The following ERCC6 variants were observed in gnomAD, a reference collection of about 807,000 sequenced individuals.
The protein encoded by ERCC6 is DNA excision repair protein ERCC-6.
ERCC6 carries 116 observed loss-of-function variants against 158.7 expected under a neutral mutation model. That is an observed-to-expected ratio of 0.73 (90% CI 0.63 to 0.85). The LOEUF (loss-of-function observed/expected upper bound fraction) is 0.85. Ranked by LOEUF, ERCC6 falls within the 40% of genes least tolerant of loss-of-function variation. The pLI, the probability that ERCC6 is intolerant of heterozygous loss-of-function variation, is 0.00. For missense variants in ERCC6, 1,698 were observed against 1,799.4 expected, an observed-to-expected ratio of 0.94 and a Z score of 1.02; for synonymous variants, 678 against 659.3, an observed-to-expected ratio of 1.03 and a Z score of -0.43.
chr10:49,515,691 G>A (rs773537663), intron 5 of ERCC6: 5 of 1,614,078 alleles, frequency 3.1e-6, no homozygotes, highest in Non-Finnish European at 4.2e-6. Flanking sequence ...ACGGATTGAT[G>A]CCCGATACTT....
intron 5 of ERCC6, among the ~76,000 whole-genome samples, chr10:49,521,636 T>G (rs754030164): frequency 3.9e-5 from 6 of 152,110 alleles, no homozygotes; most frequent in Non-Finnish European, 8.8e-5. Context: ...CTGTATGACA[T>G]GAAAGGGTAT....
intron 5 of ERCC6, among the ~76,000 whole-genome samples, chr10:49,521,684 T>TA (rs1396482378): frequency 6.6e-6 from 1 of 152,142 alleles, no homozygotes; most frequent in Admixed American, 6.5e-5. Flanking sequence ...AGCCTCCAGA[T>TA]ACAGTTCAGT....
At chr10:49,482,262 T>C (rs1171396015) in intron 10 of ERCC6, among the ~76,000 whole-genome samples, 1 of 152,144 alleles carries the variant, frequency 6.6e-6, no homozygotes, top group Non-Finnish European at 1.5e-5. Context: ...CCTCCTAGTG[T>C]CCCCTTTTCT....
chr10:49,516,814 G>T (rs1281156762), intron 5 of ERCC6: 2 of 1,614,136 alleles, frequency 1.2e-6, no homozygotes, highest in South Asian at 1.1e-5. Flanking sequence ...CTCCTTGATG[G>T]TGGAGGTTGC....
chr10:49,467,207 C>T lies in ERCC6; in HGVS notation c.3778+2975G>A, dbSNP rs139479086. ...CTACGAATATTCATGTACAAGCCTT[C>T]GTATGGACATATTTTTCCATTTCTC... On this transcript the variant is annotated intron_variant, in intron 18 of 20. Coordinates refer to ENST00000355832, the MANE Select transcript of ERCC6 (RefSeq NM_000124.4). Among the ~76,000 whole-genome samples the T allele has an allele frequency of 1.8e-3, 275 of 152,284 alleles. 1 individual carries two copies. The highest frequency in any genetic ancestry group is 6.0e-3 in the African/African-American group (249 of 41,554).
At chr10:49,536,758 T>C (rs1055675216) in intron 1 of ERCC6, among the ~76,000 whole-genome samples, 9 of 152,052 alleles carry the variant, frequency 5.9e-5, no homozygotes, top group Non-Finnish European at 8.8e-5. Context: ...CCTTCAGTAG[T>C]CCTGGGGGAA....
intron 4 of ERCC6, 135 bp downstream of exon 4, chr10:49,528,282 A>C: frequency 9.6e-7 from 1 of 1,036,622 alleles, no homozygotes; most frequent in East Asian, 2.6e-5. Flanking sequence ...AATTTTCCTA[A>C]ATCTGTTTTG....
chr10:49,476,224 T>C lies in ERCC6; in HGVS notation c.2373A>G (p.Gly791=), dbSNP rs2132544229. 6.2e-7 allele frequency: 1 copy of C among 1,611,220 alleles called. No individual in the cohort carries two copies. The highest frequency in any genetic ancestry group is 1.1e-5 in the South Asian group (1 of 90,998). ...CTATTTTTTAGCTGACCTGCATCTCTCCATTGAGAATCCTGTAAACTTCTT... is the reference window on the plus strand; with the variant it reads ...CTATTTTTTAGCTGACCTGCATCTCCCCATTGAGAATCCTGTAAACTTCTT... ...DSKEVYRILN[G]EMQIFSGLIA... Residue 791 remains glycine, a synonymous_variant, in exon 12 of 21, where the codon GGA becomes GGG. Coordinates refer to ENST00000355832, the MANE Select transcript of ERCC6 (RefSeq NM_000124.4).
At chr10:49,496,421 T>C (rs983691390) in intron 7 of ERCC6, among the ~76,000 whole-genome samples, 1 of 152,202 alleles carries the variant, frequency 6.6e-6, no homozygotes, top group Non-Finnish European at 1.5e-5. Flanking sequence ...AGAAAATATA[T>C]CAACATGCTA....
At chr10:49,437,282 G>A in the ERCC6 span, among the ~76,000 whole-genome samples, 664 of 152,188 alleles carry the variant, frequency 4.4e-3, 2 homozygotes, top group African/African-American at 0.015. Context: ...CCAGTCTCAG[G>A]TATGTCTTTA....
At chr10:49,496,243 A>G (rs1160839405) in intron 7 of ERCC6, among the ~76,000 whole-genome samples, 1 of 152,196 alleles carries the variant, frequency 6.6e-6, no homozygotes, top group Non-Finnish European at 1.5e-5. Flanking sequence ...TGCACTCCAC[A>G]TTAACCCTGA....
At chr10:49,521,868 T>TA (rs1476064523) in intron 5 of ERCC6, among the ~76,000 whole-genome samples, 2 of 152,080 alleles carry the variant, frequency 1.3e-5, no homozygotes, top group Non-Finnish European at 2.9e-5. Context: ...GGAAAATTCC[T>TA]AGTAAGTATC....
chr10:49,437,155 A>G, the ERCC6 span, among the ~76,000 whole-genome samples: 1 of 151,798 alleles, frequency 6.6e-6, no homozygotes, highest in African/African-American at 2.4e-5. Flanking sequence ...ATTCTCTCTC[A>G]CCTGCTGCCA....
chr10:49,475,223 CAAA>C, intron 12 of ERCC6: 1 of 300,716 alleles, frequency 3.3e-6, no homozygotes, highest in Non-Finnish European at 6.6e-6. Flanking sequence ...GAAGACAGAA[CAAA>C]AAAGGAGTAA....
chr10:49,441,139 T>C, the ERCC6 span, among the ~76,000 whole-genome samples: 7 of 152,364 alleles, frequency 4.6e-5, no homozygotes, highest in African/African-American at 1.7e-4. Flanking sequence ...TAATGGTTTA[T>C]TGCTGTCATT....
At chr10:49,514,364 T>C (rs905712053) in intron 5 of ERCC6, among the ~76,000 whole-genome samples, 1 of 152,130 alleles carries the variant, frequency 6.6e-6, no homozygotes, top group African/African-American at 2.4e-5. Context: ...GACAAATCAA[T>C]GTACACAACT....
At chr10:49,484,564 A>G (rs1199827104) in intron 8 of ERCC6, among the ~76,000 whole-genome samples, 1 of 152,092 alleles carries the variant, frequency 6.6e-6, no homozygotes, top group African/African-American at 2.4e-5. Context: ...ACAAAGCAAG[A>G]CCCTGTCTCT....
the ERCC6 span, among the ~76,000 whole-genome samples, chr10:49,445,759 G>A: frequency 2.6e-5 from 4 of 152,194 alleles, no homozygotes; most frequent in African/African-American, 9.7e-5. Flanking sequence ...ACTATAAATA[G>A]AGTGGTCCAT....
intron 1 of ERCC6, among the ~76,000 whole-genome samples, chr10:49,533,693 C>T (rs1419103008): frequency 6.6e-6 from 1 of 152,150 alleles, no homozygotes; most frequent in African/African-American, 2.4e-5. Flanking sequence ...GTCCCAGTTA[C>T]TCAAGGGGCT....
Sources: gnomAD v4.1 joint callset for allele counts (sites outside exome capture counted in the v4.1 genomes callset) on GRCh38, gnomAD v4.1.1 for gene constraint, MANE v1.5 for transcripts, NCBI Gene and HGNC (gene_info 2026-07-23, HGNC 2026-07-21) for gene names.